DHX33: variants seen among roughly 807,000 people sequenced by gnomAD.
The protein encoded by DHX33 is ATP-dependent RNA helicase DHX33.
In DHX33, 42 loss-of-function variants were observed where a neutral mutation model predicts 72.5. That is an observed-to-expected ratio of 0.58 (90% CI 0.45 to 0.75). The LOEUF (loss-of-function observed/expected upper bound fraction) is 0.75, where lower values mean the gene tolerates loss of function less well. DHX33 is among the 30% of genes least tolerant of loss of function. DHX33 has a pLI of 0.00. For missense variants in DHX33, 842 were observed against 917.5 expected, an observed-to-expected ratio of 0.92 and a Z score of 1.06; for synonymous variants, 358 against 366.1, an observed-to-expected ratio of 0.98 and a Z score of 0.25.
intron 11 of DHX33, among the ~76,000 whole-genome samples, chr17:5,445,926 A>G (rs1916642286): frequency 6.6e-6 from 1 of 152,068 alleles, no homozygotes; most frequent in African/African-American, 2.4e-5. Context: ...GTCCTTTATG[A>G]TGGCTCTAGG....
rs769182600 is a variant in DHX33 at position 5,464,160 on chromosome 17, T to C, written c.290-471A>G. On this transcript the variant is annotated intron_variant, in intron 1 of 11. Coordinates refer to ENST00000225296, the MANE Select transcript of DHX33 (RefSeq NM_020162.4). Reference sequence around the variant, plus strand: ...TCCTGGGCAACATAGGGAGATGCCGTCTCTACAAAAAATACAAACATTAGT... The same window carrying C: ...TCCTGGGCAACATAGGGAGATGCCGCCTCTACAAAAAATACAAACATTAGT... Among the ~76,000 whole-genome samples the C allele has an allele frequency of 2.0e-5, 3 of 152,068 alleles. 1 individual carries two copies. The highest frequency in any genetic ancestry group is 6.8e-3 in the Middle Eastern group (2 of 294).
chr17:5,462,184 C>T, intron 3 of DHX33, 135 bp downstream of exon 3: 2 of 728,720 alleles, frequency 2.7e-6, no homozygotes, highest in South Asian at 1.9e-5. Context: ...AGGTGATCCA[C>T]CGGCCTTGGC....
At chr17:5,448,763 A>G (rs7207405) in intron 11 of DHX33, 46 bp downstream of exon 11, 10 of 1,461,740 alleles carry the variant, frequency 6.8e-6, no homozygotes, top group Admixed American at 2.1e-5. Flanking sequence ...TACCTTGAAC[A>G]AAGTGACAGC....
chr17:5,450,528 C>A, intron 9 of DHX33, 122 bp from the exon 10 acceptor site: 1 of 1,098,698 alleles, frequency 9.1e-7, no homozygotes, highest in Non-Finnish European at 1.3e-6. Flanking sequence ...ATTTCTAAAA[C>A]CATGGCGATG....
In DHX33 at chr17:5,444,324, T is replaced by C. The variant is rs1216007700; in HGVS notation, c.2005A>G (p.Thr669Ala). 1 of 1,614,008 alleles carries C rather than the reference T, an allele frequency of 6.2e-7. No individual in the cohort carries two copies. The highest frequency in any genetic ancestry group is 8.5e-7 in the Non-Finnish European group (1 of 1,179,998). ...FHCKPACVVYTELLYTNKCYM... is the reference protein window; with the variant it reads ...FHCKPACVVYAELLYTNKCYM... The stretch of plus-strand genomic sequence containing the variant: ...CACTTGTTGGTGTAGAGCAGCTCAG[T>C]GTACACGACGCAGGCCGGCTTGCAG... The change falls in exon 12 of 12, where the codon ACT becomes GCT. Residue 669 changes from threonine to alanine, a missense_variant. Thr to Ala is a moderately conservative substitution (Grantham distance 58). Transcript: ENST00000225296. This position sits in a 1 kb window ranked among gnomAD's most constrained non-coding sequence, Gnocchi z 4.9.
At chr17:5,460,166 T>C (rs148106061) in intron 4 of DHX33, among the ~76,000 whole-genome samples, 9,782 of 151,548 alleles carry the variant, frequency 0.065, 343 homozygotes, top group Middle Eastern at 0.083. Context: ...AGGCGCCCGC[T>C]ACCACACCCG....
At chr17:5,455,655 A>T (rs1396950329) in intron 5 of DHX33, among the ~76,000 whole-genome samples, 3 of 152,210 alleles carry the variant, frequency 2.0e-5, no homozygotes, top group African/African-American at 7.2e-5. Flanking sequence ...GATGACAGAC[A>T]GTGGATATAA....
intron 9 of DHX33, 58 bp from the exon 10 acceptor site, chr17:5,450,464 C>G: frequency 6.4e-7 from 1 of 1,566,196 alleles, no homozygotes; most frequent in South Asian, 1.1e-5. Flanking sequence ...TTAGAATGCA[C>G]TATTTCTGTA....
At chr17:5,456,329 G>A in intron 4 of DHX33, 147 bp from the exon 5 acceptor site, 1 of 894,390 alleles carries the variant, frequency 1.1e-6, no homozygotes, top group South Asian at 1.7e-5. Context: ...GTCTAGCTTG[G>A]AGAGAACCCT....
chr17:5,452,141 C>T (rs916523934), intron 8 of DHX33, among the ~76,000 whole-genome samples: 3 of 152,114 alleles, frequency 2.0e-5, no homozygotes, highest in African/African-American at 7.2e-5. Context: ...TTAACCATTC[C>T]TTACACCTTA....
At position 5,455,179 on chromosome 17, in the gene DHX33, T is replaced by C; in HGVS notation, c.1128A>G (p.Lys376=). 6.2e-7 allele frequency: 1 copy of C among 1,614,122 alleles called. No homozygotes were observed. The highest frequency in any genetic ancestry group is 8.5e-7 in the Non-Finnish European group (1 of 1,179,948). The part of the protein sequence containing the change: ...IKYVVDTGMV[K]AKKYNPDSGL... ...TCTCACCAGGGTTATACTTCTTTGCTTTAACCATGCCCGTGTCAACTACAT... is the reference window on the plus strand; with the variant it reads ...TCTCACCAGGGTTATACTTCTTTGCCTTAACCATGCCCGTGTCAACTACAT... The change falls in exon 6 of 12, where the codon AAA becomes AAG. Residue 376 remains lysine (K), a synonymous_variant. Transcript: ENST00000225296.
In DHX33 at chr17:5,468,561, G is replaced by A. The variant is rs1472150259; in HGVS notation, c.289+10C>T. On this transcript the variant is annotated intron_variant, in intron 1 of 11. Coordinates refer to ENST00000225296, the MANE Select transcript of DHX33 (RefSeq NM_020162.4). ...AGTGCAAGGAAGAGCCCGCCGGCGC[G>A]GCCACTCACCGATGAGGACCGCGTT... The A allele has an allele frequency of 6.2e-7, 1 of 1,603,840 alleles. No homozygotes were observed. The highest frequency in any genetic ancestry group is 8.5e-7 in the Non-Finnish European group (1 of 1,175,940).
At position 5,448,854 on chromosome 17, in the gene DHX33, CGTCAT is replaced by C; in HGVS notation, c.1765_1769del (p.Met589AlafsTer80). On this transcript the variant is annotated frameshift_variant, in exon 11 of 12. Transcript: ENST00000225296. LOFTEE classifies it high-confidence loss of function. Reference sequence around the variant, plus strand: ...GCTGTGCTCTGACTTCTGCTACCAGCGTCATATTCTTGCTGTTGACAAAATTCTCT... The same window carrying C: ...GCTGTGCTCTGACTTCTGCTACCAGCATTCTTGCTGTTGACAAAATTCTCT... 1 of 1,613,224 alleles carries C rather than the reference CGTCAT, an allele frequency of 6.2e-7. No individual in the cohort carries two copies. The highest frequency in any genetic ancestry group is 8.5e-7 in the Non-Finnish European group (1 of 1,179,644).
At chr17:5,463,442 G>A in intron 2 of DHX33, 87 bp downstream of exon 2, 3 of 1,377,566 alleles carry the variant, frequency 2.2e-6, no homozygotes, top group Non-Finnish European at 3.0e-6. Context: ...TGTAAAAGGA[G>A]TCTTGTTTAG....
intron 4 of DHX33, among the ~76,000 whole-genome samples, 177 bp from the exon 5 acceptor site, chr17:5,456,359 G>C (rs1042775319): frequency 1.3e-5 from 2 of 152,226 alleles, no homozygotes; most frequent in Admixed American, 6.5e-5. Context: ...TGTGTAAATG[G>C]TAACAGGCTG....
rs141510423 is a variant in DHX33, at chr17:5,465,030, C to G, written c.290-1341G>C. Among the ~76,000 whole-genome samples, 359 of 152,358 alleles carry G rather than the reference C, an allele frequency of 2.4e-3. 2 individuals carry two copies. Among genetic ancestry groups the G allele is most frequent in the East Asian group, 0.016 (84 of 5,192 alleles). ...AAATGTGTCCGTCCTCCTCCAACAC[C>G]AGAAGGGAAGCTCCCAGAGGGCAGT... On this transcript the variant is annotated intron_variant, in intron 1 of 11. Transcript: ENST00000225296.
intron 4 of DHX33, among the ~76,000 whole-genome samples, chr17:5,457,061 C>T (rs1904350725): frequency 2.0e-5 from 3 of 152,230 alleles, no homozygotes; most frequent in Admixed American, 2.0e-4. Flanking sequence ...GTGCTTAACA[C>T]TTTGGGAGGC....
Position 5,468,964 on chromosome 17 carries a change from G to T in DHX33, c.-105C>A, listed in dbSNP as rs1211476683. 41 of 725,368 alleles carry T rather than the reference G, an allele frequency of 5.7e-5. No homozygotes were observed. The highest frequency in any genetic ancestry group is 8.1e-5 in the South Asian group (4 of 49,530). 44.9% of individuals were successfully genotyped at this position (725,368 alleles called of 1,614,324 possible). On this transcript the variant is annotated 5_prime_UTR_variant, in exon 1 of 12. Coordinates refer to ENST00000225296, the MANE Select transcript of DHX33 (RefSeq NM_020162.4). ...GCCCCTTCCTCGCCGCCACGTGCTGGCGGCTCCCGGCGACCACCGATGACC... is the reference window on the plus strand; with the variant it reads ...GCCCCTTCCTCGCCGCCACGTGCTGTCGGCTCCCGGCGACCACCGATGACC...
In DHX33 at chr17:5,456,178, G is replaced by C. The variant is rs1170744011; in HGVS notation, c.854C>G (p.Ala285Gly). ...CACCAGGATGTCCTGTGAAGAAGGG[G>C]CTTCCTGTAAAAAAAGTAGAGTGGG... ...LVSVFQIHQE[A>G]PSSQDILVFL... Residue 285 changes from alanine to glycine, a missense_variant, in exon 5 of 12, where the codon GCC becomes GGC. By Grantham distance (60) the Ala-to-Gly change is moderately conservative. Transcript: ENST00000225296. The C allele has an allele frequency of 1.9e-6, 3 of 1,613,388 alleles. No homozygotes were observed. The highest frequency in any genetic ancestry group is 1.7e-5 in the Admixed American group (1 of 59,942).
Sources: allele counts gnomAD v4.1 joint callset (sites outside exome capture counted in the v4.1 genomes callset), GRCh38; gene constraint gnomAD v4.1.1; non-coding constraint Gnocchi (gnomAD v3.1); transcripts MANE v1.5; gene names NCBI Gene and HGNC (gene_info 2026-07-23, HGNC 2026-07-21).